GLIS3: variants seen among roughly 807,000 people sequenced by gnomAD.
GLIS3 encodes the protein GLIS family zinc finger 3.
GLIS3 carries 53 observed loss-of-function variants against 78.6 expected under a neutral mutation model. That is an observed-to-expected ratio of 0.67 (90% CI 0.54 to 0.85). The LOEUF is 0.85. Ranked by LOEUF, GLIS3 falls within the 40% of genes least tolerant of loss-of-function variation. The pLI is 0.00. For missense variants in GLIS3, 1,703 were observed against 1,231.1 expected (o/e 1.38, Z -5.74); for synonymous variants, 684 against 509.9 (o/e 1.34, Z -4.60).
At position 4,286,455 on chromosome 9, in the gene GLIS3, A is replaced by T; in HGVS notation, c.-30T>A. ...AAAAACCTGTGGCCAAGACGGTCAA[A>T]TATCCAATGTCACTAATGACTCCTT... On this transcript the variant is annotated 5_prime_UTR_variant, in exon 2 of 11. Transcript: ENST00000381971. The T allele has an allele frequency of 1.9e-6, 3 of 1,612,522 alleles. No homozygotes were observed. The highest frequency in any genetic ancestry group is 2.5e-6 in the Non-Finnish European group (3 of 1,179,936).
intron 6 of GLIS3, among the ~76,000 whole-genome samples, chr9:3,920,048 G>A (rs376702638): frequency 1.4e-5 from 2 of 147,014 alleles, no homozygotes; most frequent in African/African-American, 5.1e-5. Flanking sequence ...CTGTTGCCCA[G>A]GCTGGAGTGC....
At position 4,163,637 on chromosome 9, in the gene GLIS3, T is replaced by C. The variant is rs561204995; in HGVS notation, c.389-37696A>G. ...TGCAAAGATTCACATTCTAGGCCCATTGCTTATATATGCGGGCCAGTCATT... is the reference window on the plus strand; with the variant it reads ...TGCAAAGATTCACATTCTAGGCCCACTGCTTATATATGCGGGCCAGTCATT... On this transcript the variant is annotated intron_variant, in intron 2 of 10. Coordinates refer to ENST00000381971, the MANE Select transcript of GLIS3 (RefSeq NM_001042413.2). 4.6e-5 allele frequency among the ~76,000 whole-genome samples: 7 copies of C among 152,332 alleles called. No individual in the cohort carries two copies. The South Asian group carries it at 1.2e-3, about 27-fold the overall frequency.
rs1253899920 is a variant in GLIS3 at position 3,879,482 on chromosome 9, G to A, written c.2242C>T (p.His748Tyr). 5 of 1,614,042 alleles carry A rather than the reference G, an allele frequency of 3.1e-6. No individual in the cohort carries two copies. Among genetic ancestry groups the A allele is most frequent in the Non-Finnish European group, 4.2e-6 (5 of 1,180,024 alleles). Residue 748 changes from histidine to tyrosine, a missense_variant, in exon 8 of 11, where the codon CAC becomes TAC. Coordinates refer to ENST00000381971, the MANE Select transcript of GLIS3 (RefSeq NM_001042413.2). ...GGAGGTAACTGGGAGGAGGGGTTGT[G>A]AGGGCTCCCCTGTACATTATGTCCT... ...SPGHNVQGSP[H>Y]NPSSQLPPLT...
intron 4 of GLIS3, among the ~76,000 whole-genome samples, chr9:4,024,035 CAA>C (rs111949985): frequency 8.3e-5 from 12 of 143,942 alleles, no homozygotes; most frequent in African/African-American, 2.8e-4. Context: ...CAAAAAAAAA[CAA>C]AAAAAAAAAT....
chr9:3,978,756 T>C (rs1162537932), intron 4 of GLIS3, among the ~76,000 whole-genome samples: 1 of 152,164 alleles, frequency 6.6e-6, no homozygotes, highest in Non-Finnish European at 1.5e-5. Flanking sequence ...GATAAATTAT[T>C]AGAGCTGGCA....
intron 2 of GLIS3, among the ~76,000 whole-genome samples, chr9:4,197,062 C>T (rs1818927629): frequency 6.6e-6 from 1 of 151,960 alleles, no homozygotes; most frequent in Non-Finnish European, 1.5e-5. Context: ...CCAGGCAGAT[C>T]TCCAAGTATT....
intron 8 of GLIS3, among the ~76,000 whole-genome samples, chr9:3,875,794 G>A (rs1039884044): frequency 6.6e-6 from 1 of 152,108 alleles, no homozygotes; most frequent in African/African-American, 2.4e-5. Context: ...CGTCCAGTAG[G>A]GGAGAATATA....
chr9:4,345,398 G>T (rs1434407285), intron 2 of GLIS3, among the ~76,000 whole-genome samples: 1 of 151,976 alleles, frequency 6.6e-6, no homozygotes, highest in African/African-American at 2.4e-5. Context: ...TCTTTTTTAT[G>T]ACAATTGACA....
chr9:3,855,906 G>A, intron 9 of GLIS3, 103 bp downstream of exon 9: 1 of 1,238,560 alleles, frequency 8.1e-7, no homozygotes. Context: ...CCTAAGCCTG[G>A]TGTAGAACAG....
At chr9:3,985,941 C>T (rs1442493938) in intron 4 of GLIS3, among the ~76,000 whole-genome samples, 9 of 152,102 alleles carry the variant, frequency 5.9e-5, no homozygotes, top group Admixed American at 5.2e-4. Flanking sequence ...GTTTGTTCTA[C>T]CCACATCAAT....
At chr9:4,143,245 G>C (rs999080181) in intron 2 of GLIS3, among the ~76,000 whole-genome samples, 1 of 151,954 alleles carries the variant, frequency 6.6e-6, no homozygotes, top group African/African-American at 2.4e-5. Flanking sequence ...GTGTATTTGT[G>C]TGTGTGTGTG....
intron 6 of GLIS3, among the ~76,000 whole-genome samples, chr9:3,913,208 G>A (rs1291548538): frequency 2.6e-5 from 4 of 152,138 alleles, no homozygotes; most frequent in Non-Finnish European, 5.9e-5. Flanking sequence ...AACAGATTGA[G>A]TGAAGAAGAT....
intron 2 of GLIS3, among the ~76,000 whole-genome samples, chr9:4,269,523 C>G (rs1380117165): frequency 6.6e-6 from 1 of 152,150 alleles, no homozygotes; most frequent in African/African-American, 2.4e-5. Context: ...GATGTCTGAA[C>G]CACCAAAACG....
chr9:4,091,022 T>C (rs1397846790), intron 4 of GLIS3, among the ~76,000 whole-genome samples: 1 of 152,148 alleles, frequency 6.6e-6, no homozygotes, highest in Admixed American at 6.5e-5. Context: ...AGGGGGATGA[T>C]GATATCCATT....
At chr9:4,409,544 G>C in the GLIS3 span, among the ~76,000 whole-genome samples, 1 of 152,106 alleles carries the variant, frequency 6.6e-6, no homozygotes, top group Non-Finnish European at 1.5e-5. Flanking sequence ...ACGCTTACTA[G>C]TATAATGATA....
chr9:4,200,865 C>T (rs1819326709), intron 2 of GLIS3, among the ~76,000 whole-genome samples: 1 of 152,102 alleles, frequency 6.6e-6, no homozygotes, highest in Non-Finnish European at 1.5e-5. Context: ...GAGACCAAAA[C>T]CTGGAAAAAA....
chr9:4,274,642 A>T (rs1201534589), intron 2 of GLIS3, among the ~76,000 whole-genome samples: 1 of 152,176 alleles, frequency 6.6e-6, no homozygotes, highest in Non-Finnish European at 1.5e-5. Flanking sequence ...CTAGCAAAAA[A>T]CAGATTCAAA....
At chr9:3,991,781 C>A (rs1467731272) in intron 4 of GLIS3, among the ~76,000 whole-genome samples, 2 of 150,248 alleles carry the variant, frequency 1.3e-5, no homozygotes, top group Non-Finnish European at 3.0e-5. Context: ...AGCTCCGCCT[C>A]CCGGCTTCAT....
intron 2 of GLIS3, among the ~76,000 whole-genome samples, chr9:4,141,328 C>T (rs575805771): frequency 6.6e-6 from 1 of 152,302 alleles, no homozygotes; most frequent in South Asian, 2.1e-4. Context: ...GTATGGCTGC[C>T]TGGCCAAAAT....
Sources: gnomAD v4.1 joint callset for allele counts (sites outside exome capture counted in the v4.1 genomes callset) on GRCh38, gnomAD v4.1.1 for gene constraint, MANE v1.5 for transcripts, NCBI Gene and HGNC (gene_info 2026-07-23, HGNC 2026-07-21) for gene names.